Variants in CACNG3 observed in about 807,000 individuals in gnomAD.
CACNG3 encodes voltage-dependent calcium channel gamma-3 subunit.
CACNG3 carries 3 observed loss-of-function variants against 28.5 expected under a neutral mutation model. The observed-to-expected ratio is 0.11, with a 90% CI of 0.05 to 0.27. The LOEUF is 0.27. Among genes scored for constraint, CACNG3 ranks in the 10% least tolerant of loss-of-function variants. The pLI is 1.00. For synonymous variants in CACNG3, 174 were observed against 162.2 expected, an observed-to-expected ratio of 1.07 and a Z score of -0.55; for missense variants, 236 against 414.4, an observed-to-expected ratio of 0.57 and a Z score of 3.74.
rs117700597 is a variant in CACNG3, at chr16:24,300,419, T to C, written c.211+43454T>C. Among the ~76,000 whole-genome samples the C allele has an allele frequency of 4.2e-3, 633 of 152,112 alleles. 4 individuals carry two copies. Among genetic ancestry groups the C allele is most frequent in the Non-Finnish European group, 6.7e-3 (453 of 67,996 alleles). On this transcript the variant is annotated intron_variant, in intron 1 of 3. Coordinates refer to ENST00000005284, the MANE Select transcript of CACNG3 (RefSeq NM_006539.4). ...GGTCTGTTACAGAAATGCAGGCCCA[T>C]TGTTGCCAGGTCTTCTGATTCTGGG...
intron 1 of CACNG3, among the ~76,000 whole-genome samples, chr16:24,333,699 G>T (rs1410590942): frequency 6.6e-6 from 1 of 152,074 alleles, no homozygotes; most frequent in Non-Finnish European, 1.5e-5. Context: ...AAAATTAGCC[G>T]GGTATGGTGG....
Position 24,361,029 on chromosome 16 carries a change from T to C in CACNG3, c.437-323T>C, listed in dbSNP as rs963665187. Among the ~76,000 whole-genome samples the C allele has an allele frequency of 6.6e-6, 1 of 152,240 alleles. No individual in the cohort carries two copies. The highest frequency in any genetic ancestry group is 2.4e-5 in the African/African-American group (1 of 41,460). ...TATCTTGTTCATTTTACAATCTTCATGACTTAGTGCCAAAGATTAAGTGTT... is the reference window on the plus strand; with the variant it reads ...TATCTTGTTCATTTTACAATCTTCACGACTTAGTGCCAAAGATTAAGTGTT... On this transcript the variant is annotated intron_variant, in intron 3 of 3. Transcript: ENST00000005284. The surrounding 1 kb of genome is among the most constrained non-coding windows in gnomAD (Gnocchi z 6.8).
rs114805066 is a variant in CACNG3, at chr16:24,317,316, C to A, written c.212-29418C>A. 3.9e-3 allele frequency among the ~76,000 whole-genome samples: 587 copies of A among 151,950 alleles called. 5 individuals are homozygous for A. Among genetic ancestry groups the A allele is most frequent in the African/African-American group, 0.014 (562 of 41,448 alleles). On this transcript the variant is annotated intron_variant, in intron 1 of 3. Transcript: ENST00000005284. ...CAGCACTTTGGGAGGCCAAAACGGG[C>A]GGATCACTTAAGGTCAGGAGTTTGA...
chr16:24,277,322 C>T (rs1188611260), intron 1 of CACNG3, among the ~76,000 whole-genome samples: 2 of 152,128 alleles, frequency 1.3e-5, no homozygotes, highest in African/African-American at 4.8e-5. Context: ...TTGGTAATGT[C>T]TGAGACACTT....
At chr16:24,257,406 A>T (rs1368033737) in intron 1 of CACNG3, among the ~76,000 whole-genome samples, 1 of 145,318 alleles carries the variant, frequency 6.9e-6, no homozygotes, top group African/African-American at 2.5e-5. Context: ...AGAGAGAGAG[A>T]GAGAGAGAGA....
chr16:24,327,082 G>A (rs11640437), intron 1 of CACNG3, among the ~76,000 whole-genome samples: 104,875 of 140,164 alleles, frequency 0.75, 39,151 homozygotes, highest in Middle Eastern at 0.86. Context: ...CAGAGAGGTG[G>A]AGTCCTAAGT....
intron 1 of CACNG3, among the ~76,000 whole-genome samples, chr16:24,262,073 G>C (rs575426315): frequency 6.6e-6 from 1 of 152,116 alleles, no homozygotes; most frequent in Non-Finnish European, 1.5e-5. Context: ...AATCTGTAAG[G>C]ACAGGGATTA....
At chr16:24,272,122 TAA>T (rs60800771) in intron 1 of CACNG3, among the ~76,000 whole-genome samples, 6 of 149,294 alleles carry the variant, frequency 4.0e-5, no homozygotes, top group African/African-American at 1.2e-4. Context: ...TCTTTAACTT[TAA>T]AAAAAAAAGA....
At chr16:24,261,170 C>G (rs1898532237) in intron 1 of CACNG3, among the ~76,000 whole-genome samples, 1 of 145,338 alleles carries the variant, frequency 6.9e-6, no homozygotes, top group African/African-American at 2.6e-5. Flanking sequence ...GATGAGGCAG[C>G]TAATGTAAAG....
At chr16:24,279,145 G>A (rs1305987508) in intron 1 of CACNG3, among the ~76,000 whole-genome samples, 4 of 152,194 alleles carry the variant, frequency 2.6e-5, no homozygotes, top group Admixed American at 6.5e-5. Context: ...TGGGAGGCAC[G>A]TTAAGTAAGA....
chr16:24,258,529 T>C (rs1898499039), intron 1 of CACNG3, among the ~76,000 whole-genome samples: 1 of 152,256 alleles, frequency 6.6e-6, no homozygotes, highest in African/African-American at 2.4e-5. Context: ...AAGCTTATAC[T>C]GTATTCAATA....
intron 1 of CACNG3, among the ~76,000 whole-genome samples, chr16:24,330,501 C>T (rs1386412881): frequency 6.6e-6 from 1 of 152,230 alleles, no homozygotes; most frequent in Middle Eastern, 3.2e-3. Flanking sequence ...CCTGAGGTCA[C>T]AGCACTGCTC....
At chr16:24,357,475 T>C (rs12925964) in intron 3 of CACNG3, among the ~76,000 whole-genome samples, 54,208 of 151,946 alleles carry the variant, frequency 0.36, 10,847 homozygotes, top group South Asian at 0.49. Context: ...ACCACACAGT[T>C]CCAAAATCTG....
Position 24,283,983 on chromosome 16 carries a change from T to C in CACNG3, c.211+27018T>C, listed in dbSNP as rs566955950. ...CTTAACTAAGAATTCCCATCAGGTA[T>C]GGAGATTTACATTTTTGATAGTTAT... On this transcript the variant is annotated intron_variant, in intron 1 of 3. Coordinates refer to ENST00000005284, the MANE Select transcript of CACNG3 (RefSeq NM_006539.4). 2.0e-5 allele frequency among the ~76,000 whole-genome samples: 3 copies of C among 152,306 alleles called. No individual in the cohort carries two copies. The East Asian group carries it at 5.8e-4, about 29-fold the overall frequency.
chr16:24,293,848 C>T (rs1043027792), intron 1 of CACNG3, among the ~76,000 whole-genome samples: 14 of 152,214 alleles, frequency 9.2e-5, no homozygotes, highest in African/African-American at 3.4e-4. Context: ...AGGGGAAATC[C>T]TCTCTTCCTC....
chr16:24,321,204 G>A (rs1430311181), intron 1 of CACNG3, among the ~76,000 whole-genome samples: 3 of 152,102 alleles, frequency 2.0e-5, no homozygotes, highest in South Asian at 2.1e-4. Context: ...AGTGGCTCAC[G>A]CCTTTGTGTA....
chr16:24,327,230 G>A (rs1899562581), intron 1 of CACNG3, among the ~76,000 whole-genome samples: 1 of 148,244 alleles, frequency 6.7e-6, no homozygotes, highest in South Asian at 2.2e-4. Flanking sequence ...AGAGTCTCAG[G>A]CAGTGAAGAG....
chr16:24,299,565 T>C (rs1381070305), intron 1 of CACNG3, among the ~76,000 whole-genome samples: 1 of 152,218 alleles, frequency 6.6e-6, no homozygotes, highest in East Asian at 1.9e-4. Flanking sequence ...GATAATGCTG[T>C]TCCTGTCAAT....
In CACNG3 at chr16:24,277,601, C is replaced by T. The variant is rs543801078; in HGVS notation, c.211+20636C>T. On this transcript the variant is annotated intron_variant, in intron 1 of 3. Transcript: ENST00000005284. The stretch of plus-strand genomic sequence containing the variant: ...ACCAGGCTGGCCGAAATGGTGAAAC[C>T]CCGTCTCTACCAAAAATACAAAAAT... Among the ~76,000 whole-genome samples the T allele has an allele frequency of 2.6e-5, 4 of 151,944 alleles. No homozygotes were observed. In the East Asian group the frequency reaches 7.7e-4, roughly 29 times the overall value.
Sources: gnomAD v4.1 joint callset for allele counts (sites outside exome capture counted in the v4.1 genomes callset) on GRCh38, gnomAD v4.1.1 for gene constraint, Gnocchi (gnomAD v3.1) non-coding constraint, MANE v1.5 for transcripts, NCBI Gene and HGNC (gene_info 2026-07-23, HGNC 2026-07-21) for gene names.